CTDSPL2: variants seen among roughly 807,000 people sequenced by gnomAD.
The protein encoded by CTDSPL2 is CTD small phosphatase-like protein 2.
CTDSPL2 carries 5 observed loss-of-function variants against 60.0 expected under a neutral mutation model. The observed-to-expected ratio is 0.08, with a 90% CI of 0.04 to 0.18. The LOEUF (loss-of-function observed/expected upper bound fraction) is 0.18. Among genes scored for constraint, CTDSPL2 ranks in the 10% least tolerant of loss-of-function variants. The probability of loss-of-function intolerance (pLI) is 1.00; values close to 1 mark genes in which losing one functional copy is unlikely to be tolerated. For missense variants in CTDSPL2, 370 were observed against 548.8 expected (o/e 0.67, Z 3.26); for synonymous variants, 186 against 189.3 (o/e 0.98, Z 0.14).
chr15:44,469,703 A>G (rs1055084649), intron 2 of CTDSPL2, among the ~76,000 whole-genome samples: 2 of 152,194 alleles, frequency 1.3e-5, no homozygotes, highest in African/African-American at 4.8e-5. Flanking sequence ...TGTTCAGTGC[A>G]GTATTCTATA....
rs146729074 is a variant in CTDSPL2 at position 44,438,626 on chromosome 15, G to C, written c.-25+10854G>C. 2.0e-5 allele frequency among the ~76,000 whole-genome samples: 3 copies of C among 152,240 alleles called. No individual in the cohort carries two copies. In the East Asian group the frequency reaches 5.8e-4, roughly 29 times the overall value. ...TATTAGGAAAAATACGGTAGGAAGAGCTGGTTTTGGTATGGGGGTGGTATG... is the reference window on the plus strand; with the variant it reads ...TATTAGGAAAAATACGGTAGGAAGACCTGGTTTTGGTATGGGGGTGGTATG... On this transcript the variant is annotated intron_variant, in intron 1 of 12. Coordinates refer to ENST00000260327, the MANE Select transcript of CTDSPL2 (RefSeq NM_016396.3).
At chr15:44,472,832 T>G (rs1351017909) in intron 2 of CTDSPL2, among the ~76,000 whole-genome samples, 12 of 152,222 alleles carry the variant, frequency 7.9e-5, no homozygotes. Flanking sequence ...TCCAACTAAT[T>G]TTTTTTATTT....
chr15:44,466,792 A>G (rs2140725413), intron 2 of CTDSPL2, among the ~76,000 whole-genome samples: 1 of 148,510 alleles, frequency 6.7e-6, no homozygotes, highest in East Asian at 2.0e-4. Flanking sequence ...AAAAAAAATT[A>G]GCTGGGCATG....
chr15:44,502,653 T>A (rs1053294479), intron 8 of CTDSPL2, among the ~76,000 whole-genome samples: 10 of 152,188 alleles, frequency 6.6e-5, no homozygotes, highest in Non-Finnish European at 8.8e-5. Flanking sequence ...TTGGCCACCA[T>A]AGTTTGCTGA....
At chr15:44,428,209 C>G (rs1304564550) in intron 1 of CTDSPL2, 2 of 152,186 alleles carry the variant, frequency 1.3e-5, no homozygotes, top group East Asian at 3.8e-4. Context: ...TATCTCAGTT[C>G]TTATAAACAC....
chr15:44,473,049 G>A (rs899661420), intron 2 of CTDSPL2, among the ~76,000 whole-genome samples: 4 of 152,074 alleles, frequency 2.6e-5, no homozygotes, highest in Admixed American at 6.6e-5. Flanking sequence ...ATCCTACCTT[G>A]GCCTCCCAAA....
chr15:44,442,563 T>C (rs2080112732), intron 1 of CTDSPL2, among the ~76,000 whole-genome samples: 1 of 152,170 alleles, frequency 6.6e-6, no homozygotes, highest in African/African-American at 2.4e-5. Context: ...TTGTCATTTT[T>C]AAAAGTAAGT....
chr15:44,520,534 G>C (rs2081747674), intron 11 of CTDSPL2: 1 of 152,128 alleles, frequency 6.6e-6, no homozygotes, highest in Non-Finnish European at 1.5e-5. Context: ...GTATAAACTA[G>C]ATTTGTCCTG....
intron 8 of CTDSPL2, among the ~76,000 whole-genome samples, chr15:44,512,307 T>G (rs1470330829): frequency 2.6e-5 from 4 of 152,118 alleles, no homozygotes; most frequent in Non-Finnish European, 5.9e-5. Context: ...AACCTGTATA[T>G]GGAGCAAGTG....
intron 1 of CTDSPL2, among the ~76,000 whole-genome samples, chr15:44,446,229 C>G (rs2080212385): frequency 6.6e-6 from 1 of 151,870 alleles, no homozygotes; most frequent in Admixed American, 6.6e-5. Context: ...CTGCCATAAA[C>G]TTACAGCTTT....
chr15:44,500,928 A>G (rs1317077700), intron 8 of CTDSPL2, among the ~76,000 whole-genome samples: 1 of 152,172 alleles, frequency 6.6e-6, no homozygotes, highest in Non-Finnish European at 1.5e-5. Context: ...TTTAGTCCTG[A>G]TGTATAATCG....
At chr15:44,469,464 A>G (rs2080761792) in intron 2 of CTDSPL2, among the ~76,000 whole-genome samples, 1 of 152,086 alleles carries the variant, frequency 6.6e-6, no homozygotes, top group African/African-American at 2.4e-5. Context: ...AAAGGTATGA[A>G]TTTTAAAGTA....
intron 1 of CTDSPL2, among the ~76,000 whole-genome samples, chr15:44,456,086 G>A (rs1183602278): frequency 9.9e-5 from 15 of 151,876 alleles, no homozygotes; most frequent in East Asian, 3.9e-4. Context: ...TCCTGACCTC[G>A]TGATCCACCC....
chr15:44,483,810 G>C (rs1459320954), intron 2 of CTDSPL2, among the ~76,000 whole-genome samples: 1 of 152,222 alleles, frequency 6.6e-6, no homozygotes, highest in East Asian at 1.9e-4. Context: ...TCTATTTTTG[G>C]GCTATATGTG....
At chr15:44,469,206 T>G (rs568919514) in intron 2 of CTDSPL2, among the ~76,000 whole-genome samples, 1 of 152,340 alleles carries the variant, frequency 6.6e-6, no homozygotes, top group Non-Finnish European at 1.5e-5. Context: ...CTGGAGGGTT[T>G]TGAAAGGTGT....
chr15:44,502,873 G>C (rs1324988118), intron 8 of CTDSPL2, among the ~76,000 whole-genome samples: 2 of 152,070 alleles, frequency 1.3e-5, no homozygotes, highest in African/African-American at 4.8e-5. Context: ...CACATTTAAA[G>C]ATTGCCTGAC....
chr15:44,491,150 C>T lies in CTDSPL2; in HGVS notation c.691+151C>T, dbSNP rs1421426658. 1.3e-5 allele frequency: 8 copies of T among 628,718 alleles called. No individual in the cohort carries two copies. The East Asian group carries it at 2.3e-4, about 18-fold the overall frequency. 38.9% of individuals were successfully genotyped at this position (628,718 alleles called of 1,614,324 possible). A position where few individuals can be genotyped will look rare whatever the true frequency, so the allele number is the denominator to read the frequency against. ...TTAAAATTGGAAACAAAGCTTTGTC[C>T]CAAAAATCCAAAGTCATTTTGAAAT... On this transcript the variant is annotated intron_variant, in intron 5 of 12. Transcript: ENST00000260327.
chr15:44,462,693 C>T (rs892448400), intron 2 of CTDSPL2, among the ~76,000 whole-genome samples: 1 of 143,516 alleles, frequency 7.0e-6, no homozygotes, highest in Non-Finnish European at 1.5e-5. Flanking sequence ...AACTAGAACA[C>T]TCAGGACTTT....
chr15:44,428,546 A>G (rs1307912348), intron 1 of CTDSPL2, among the ~76,000 whole-genome samples: 1 of 152,226 alleles, frequency 6.6e-6, no homozygotes, highest in African/African-American at 2.4e-5. Flanking sequence ...GATGTTAAAC[A>G]CTTCAGCGTA....
Sources: gnomAD v4.1 joint callset for allele counts (sites outside exome capture counted in the v4.1 genomes callset) on GRCh38, gnomAD v4.1.1 for gene constraint, MANE v1.5 for transcripts, NCBI Gene and HGNC (gene_info 2026-07-23, HGNC 2026-07-21) for gene names.